HIBADH: variants seen among roughly 807,000 people sequenced by gnomAD.
The protein encoded by HIBADH is 3-hydroxyisobutyrate dehydrogenase.
HIBADH carries 25 observed loss-of-function variants against 36.1 expected under a neutral mutation model. That is an observed-to-expected ratio of 0.69 (90% CI 0.50 to 0.97). The LOEUF is 0.97. Among genes scored for constraint, HIBADH ranks in the 50% least tolerant of loss-of-function variants. The pLI is 0.00. For missense variants in HIBADH, 421 were observed against 418.0 expected (o/e 1.01, Z -0.06); for synonymous variants, 160 against 149.5 (o/e 1.07, Z -0.51).
At chr7:27,589,178 C>G (rs1330373617) in intron 4 of HIBADH, among the ~76,000 whole-genome samples, 3 of 152,002 alleles carry the variant, frequency 2.0e-5, no homozygotes, top group Non-Finnish European at 2.9e-5. Context: ...TGTTATATTT[C>G]CACTTAAAAA....
At chr7:27,624,435 C>T (rs565265153) in intron 4 of HIBADH, among the ~76,000 whole-genome samples, 31 of 152,298 alleles carry the variant, frequency 2.0e-4, no homozygotes, top group African/African-American at 7.2e-4. Context: ...ATACAAGCAA[C>T]ATTAAATACT....
At chr7:27,539,460 GGAGA>G (rs899866671) in intron 5 of HIBADH, among the ~76,000 whole-genome samples, 6 of 151,630 alleles carry the variant, frequency 4.0e-5, no homozygotes, top group Middle Eastern at 3.4e-3. Context: ...ATTAAGAGGA[GGAGA>G]GAGAGTGTGT....
intron 4 of HIBADH, among the ~76,000 whole-genome samples, chr7:27,560,307 C>T (rs1159213535): frequency 2.6e-5 from 4 of 152,276 alleles, no homozygotes; most frequent in Admixed American, 1.3e-4. Context: ...TTAGTAGAGA[C>T]GGGGTTTCGC....
intron 4 of HIBADH, among the ~76,000 whole-genome samples, chr7:27,628,516 T>C (rs1231543906): frequency 6.6e-6 from 1 of 152,132 alleles, no homozygotes; most frequent in Non-Finnish European, 1.5e-5. Context: ...GAAGCCATAC[T>C]ATAATCCTGC....
intron 4 of HIBADH, among the ~76,000 whole-genome samples, chr7:27,617,241 C>T (rs1785447599): frequency 6.6e-6 from 1 of 152,142 alleles, no homozygotes; most frequent in Admixed American, 6.5e-5. Flanking sequence ...CATTGTGTTA[C>T]AACTGCCTAC....
intron 6 of HIBADH, among the ~76,000 whole-genome samples, chr7:27,532,448 A>G (rs539545207): frequency 8.7e-4 from 133 of 152,362 alleles, no homozygotes; most frequent in African/African-American, 3.0e-3. Flanking sequence ...TGTGTCTAAA[A>G]CACATGCCTG....
chr7:27,585,300 T>C (rs1393804135), intron 4 of HIBADH, among the ~76,000 whole-genome samples: 1 of 152,070 alleles, frequency 6.6e-6, no homozygotes, highest in Non-Finnish European at 1.5e-5. Flanking sequence ...CGTGTGTGTA[T>C]GTATAAAAGT....
intron 1 of HIBADH, among the ~76,000 whole-genome samples, chr7:27,651,665 A>C (rs965306098): frequency 6.6e-6 from 1 of 152,234 alleles, no homozygotes; most frequent in Non-Finnish European, 1.5e-5. Flanking sequence ...CAAACAATTC[A>C]TAAGTATGGT....
intron 7 of HIBADH, among the ~76,000 whole-genome samples, chr7:27,527,048 T>A (rs1433658901): frequency 1.7e-5 from 1 of 58,300 alleles, no homozygotes; most frequent in African/African-American, 1.6e-4. Context: ...GAATGATCCA[T>A]CCTGGCAGAC....
intron 4 of HIBADH, among the ~76,000 whole-genome samples, chr7:27,599,179 C>G (rs1401510192): frequency 1.3e-5 from 2 of 151,968 alleles, no homozygotes; most frequent in African/African-American, 2.4e-5. Context: ...ATGTATGTAC[C>G]AATTAGTCCG....
intron 4 of HIBADH, among the ~76,000 whole-genome samples, chr7:27,613,401 A>G (rs1785368015): frequency 6.9e-6 from 1 of 145,178 alleles, no homozygotes; most frequent in Non-Finnish European, 1.5e-5. Context: ...CACAACAACA[A>G]AAAAATAAAG....
At chr7:27,637,056 T>C (rs942735241) in intron 2 of HIBADH, among the ~76,000 whole-genome samples, 2 of 152,214 alleles carry the variant, frequency 1.3e-5, no homozygotes, top group African/African-American at 4.8e-5. Flanking sequence ...TTGGGGTATG[T>C]TGGAGAATAA....
At chr7:27,566,159 C>T (rs1292421544) in intron 4 of HIBADH, among the ~76,000 whole-genome samples, 2 of 152,014 alleles carry the variant, frequency 1.3e-5, no homozygotes, top group Non-Finnish European at 2.9e-5. Flanking sequence ...ATCAGTGTAA[C>T]ACTGGTCTCA....
chr7:27,542,892 T>C (rs1784176587), intron 5 of HIBADH, 75 bp downstream of exon 5: 6 of 1,414,342 alleles, frequency 4.2e-6, no homozygotes, highest in South Asian at 3.9e-5. Context: ...AGAATAAAAA[T>C]ATGGTCAGGA....
intron 4 of HIBADH, among the ~76,000 whole-genome samples, chr7:27,585,854 T>A (rs187165185): frequency 6.6e-6 from 1 of 152,266 alleles, no homozygotes; most frequent in Non-Finnish European, 1.5e-5. Context: ...TTTTTTTAAA[T>A]TTTTTTGGAG....
chr7:27,593,491 A>G (rs891614762), intron 4 of HIBADH, among the ~76,000 whole-genome samples: 6 of 152,210 alleles, frequency 3.9e-5, no homozygotes, highest in African/African-American at 1.4e-4. Flanking sequence ...ATGCAAACAT[A>G]CATTTAAAAA....
chr7:27,610,605 G>A (rs1363566149), intron 4 of HIBADH, among the ~76,000 whole-genome samples: 1 of 152,096 alleles, frequency 6.6e-6, no homozygotes, highest in East Asian at 1.9e-4. Flanking sequence ...AAGCACTTGT[G>A]AGAGTATCAA....
chr7:27,643,424 T>A (rs1191905924), intron 2 of HIBADH, among the ~76,000 whole-genome samples: 1 of 152,146 alleles, frequency 6.6e-6, no homozygotes, highest in African/African-American at 2.4e-5. Flanking sequence ...CATACAGTGA[T>A]TAATATGTGC....
chr7:27,569,512 A>G (rs1311958729), intron 4 of HIBADH, among the ~76,000 whole-genome samples: 1 of 152,150 alleles, frequency 6.6e-6, no homozygotes, highest in Admixed American at 6.5e-5. Flanking sequence ...TGGGTGGGCT[A>G]TCTATCCCAC....
Sources: gnomAD v4.1 joint callset for allele counts (sites outside exome capture counted in the v4.1 genomes callset) on GRCh38, gnomAD v4.1.1 for gene constraint, MANE v1.5 for transcripts, NCBI Gene and HGNC (gene_info 2026-07-23, HGNC 2026-07-21) for gene names.